The following INO80C variants were observed in gnomAD, a reference collection of about 807,000 sequenced individuals.
INO80C encodes the protein IES6 homolog.
A neutral mutation model predicts 17.7 loss-of-function variants in INO80C; 17 were observed. The observed-to-expected ratio is 0.96, with a 90% CI of 0.66 to 1.44. The LOEUF is 1.44. Ranked by LOEUF, INO80C falls within the 40% of genes most tolerant of loss-of-function variation. The pLI, the probability that INO80C is intolerant of heterozygous loss-of-function variation, is 0.00. For missense variants in INO80C, 244 were observed against 245.0 expected (o/e 1.00, Z 0.03); for synonymous variants, 96 against 95.8 (o/e 1.00, Z -0.01).
intron 4 of INO80C, among the ~76,000 whole-genome samples, chr18:35,473,402 A>T (rs978710912): frequency 6.6e-6 from 1 of 152,178 alleles, no homozygotes; most frequent in Non-Finnish European, 1.5e-5. Context: ...TTTCCTGACC[A>T]TGGGGCAGAG....
At chr18:35,481,721 T>A (rs2045810702) in intron 1 of INO80C, among the ~76,000 whole-genome samples, 1 of 152,026 alleles carries the variant, frequency 6.6e-6, no homozygotes, top group Non-Finnish European at 1.5e-5. Flanking sequence ...CCACCTCTAC[T>A]AAAAATACAA....
chr18:35,481,312 T>C (rs1012327793), intron 1 of INO80C, among the ~76,000 whole-genome samples: 6 of 152,246 alleles, frequency 3.9e-5, no homozygotes, highest in African/African-American at 1.4e-4. Context: ...ACTTCTGATC[T>C]GTAATACAAT....
intron 4 of INO80C, among the ~76,000 whole-genome samples, chr18:35,472,289 G>A (rs982199795): frequency 6.6e-5 from 10 of 152,070 alleles, no homozygotes; most frequent in Admixed American, 6.5e-4. Context: ...TTGAATGATC[G>A]CCATTCTAAC....
At chr18:35,471,461 A>G (rs1411408727) in intron 4 of INO80C, among the ~76,000 whole-genome samples, 1 of 152,236 alleles carries the variant, frequency 6.6e-6, no homozygotes, top group East Asian at 1.9e-4. Context: ...CTGGAAATTT[A>G]GCCATGTTGT....
At chr18:35,473,535 G>T (rs1468061673) in intron 4 of INO80C, among the ~76,000 whole-genome samples, 3 of 152,190 alleles carry the variant, frequency 2.0e-5, no homozygotes, top group Admixed American at 6.5e-5. Flanking sequence ...TTCCACGTGA[G>T]TCCATAACCA....
Position 35,480,450 on chromosome 18 carries a change from T to C in INO80C, c.267+3A>G. 1 of 1,598,902 alleles carries C rather than the reference T, an allele frequency of 6.3e-7. No individual in the cohort carries two copies. The highest frequency in any genetic ancestry group is 8.6e-7 in the Non-Finnish European group (1 of 1,166,140). ...TTATTCAGCTAATACCTTCGATGCT[T>C]ACCACAAAGTTGGGATCCTTAAATG... On this transcript the variant is annotated splice_donor_region_variant and intron_variant, in intron 2 of 4. Coordinates refer to ENST00000334598, the MANE Select transcript of INO80C (RefSeq NM_194281.4).
intron 4 of INO80C, among the ~76,000 whole-genome samples, chr18:35,476,168 A>C (rs2045733394): frequency 6.6e-6 from 1 of 152,392 alleles, no homozygotes; most frequent in East Asian, 1.9e-4. Context: ...ATGTTCAATT[A>C]ACCCCAGTTT....
chr18:35,494,134 C>T (rs1272281059), intron 1 of INO80C, among the ~76,000 whole-genome samples: 3 of 152,200 alleles, frequency 2.0e-5, no homozygotes, highest in Non-Finnish European at 4.4e-5. Flanking sequence ...TCCTGTGTCT[C>T]ACCACAATAG....
intron 4 of INO80C, among the ~76,000 whole-genome samples, chr18:35,477,373 T>C (rs1360547531): frequency 6.6e-6 from 1 of 152,200 alleles, no homozygotes; most frequent in Non-Finnish European, 1.5e-5. Flanking sequence ...AACAGGGATA[T>C]TACATAATAA....
intron 4 of INO80C, among the ~76,000 whole-genome samples, chr18:35,470,963 A>G (rs1201951564): frequency 1.3e-5 from 2 of 152,202 alleles, no homozygotes; most frequent in Admixed American, 6.5e-5. Flanking sequence ...CTGTAGGGTG[A>G]CAGGCAGTAT....
chr18:35,474,244 T>TATATATATATATAC (rs1163516427), intron 4 of INO80C, among the ~76,000 whole-genome samples: 1 of 134,710 alleles, frequency 7.4e-6, no homozygotes, highest in Non-Finnish European at 1.6e-5. Flanking sequence ...TATATATATA[T>TATATATATATATAC]ACTTAATAAC....
At chr18:35,471,904 C>T (rs2045675217) in intron 4 of INO80C, among the ~76,000 whole-genome samples, 1 of 152,258 alleles carries the variant, frequency 6.6e-6, no homozygotes. Flanking sequence ...TTTCCAGTTT[C>T]ATCCATGTCC....
intron 1 of INO80C, among the ~76,000 whole-genome samples, chr18:35,490,057 A>G (rs1488082326): frequency 6.6e-6 from 1 of 152,086 alleles, no homozygotes; most frequent in Non-Finnish European, 1.5e-5. Context: ...GCTGCGAATG[A>G]GCCAGAGGTC....
chr18:35,493,636 T>C (rs2045952569), intron 1 of INO80C, among the ~76,000 whole-genome samples: 1 of 152,256 alleles, frequency 6.6e-6, no homozygotes, highest in African/African-American at 2.4e-5. Context: ...TCAGGACTTC[T>C]AAGCATCTAA....
rs2046002383 is a variant in INO80C, at chr18:35,497,888, TTCCCCTGG to T, written c.-22_-15del. The T allele has an allele frequency of 6.5e-7, 1 of 1,543,786 alleles. No individual in the cohort carries two copies. Among genetic ancestry groups the T allele is most frequent in the African/African-American group, 1.4e-5 (1 of 71,106 alleles). ...TTGCGCCGCCATCGCACTCCGAGTC[TTCCCCTGG>T]TCCCCCCACCTTTTTCCCAGCGCGG... On this transcript the variant is annotated 5_prime_UTR_variant, in exon 1 of 5. Coordinates refer to ENST00000334598, the MANE Select transcript of INO80C (RefSeq NM_194281.4).
At chr18:35,469,957 G>A (rs1049052476) in intron 4 of INO80C, among the ~76,000 whole-genome samples, 7 of 152,188 alleles carry the variant, frequency 4.6e-5, no homozygotes, top group Non-Finnish European at 8.8e-5. Context: ...TGTGCCAAGC[G>A]GAGAAAATAA....
rs78326557 is a variant in INO80C at position 35,494,853 on chromosome 18, T to C, written c.156+2866A>G. 4.1e-3 allele frequency among the ~76,000 whole-genome samples: 629 copies of C among 152,302 alleles called. 2 individuals are homozygous for C. Among genetic ancestry groups the C allele is most frequent in the African/African-American group, 0.014 (566 of 41,554 alleles). ...GACAGCAGTAGAAAACTAAACACAA[T>C]GTATATACGTCATTCTCTCCTGGGA... On this transcript the variant is annotated intron_variant, in intron 1 of 4. Coordinates refer to ENST00000334598, the MANE Select transcript of INO80C (RefSeq NM_194281.4).
intron 1 of INO80C, among the ~76,000 whole-genome samples, chr18:35,480,801 CCCTAAGTG>C (rs1440997222): frequency 6.6e-6 from 1 of 152,204 alleles, no homozygotes; most frequent in African/African-American, 2.4e-5. Flanking sequence ...TTCCCGGGTA[CCCTAAGTG>C]CCAAGCACAG....
In INO80C at chr18:35,480,326, G is replaced by T. The variant is rs2045791722; in HGVS notation, c.267+127C>A. Reference sequence around the variant, plus strand: ...CTCTTGTCCCCATCTTGCCCATAGGGGAGAAGGAGGTAACTGAGACTGAGG... The same window carrying T: ...CTCTTGTCCCCATCTTGCCCATAGGTGAGAAGGAGGTAACTGAGACTGAGG... On this transcript the variant is annotated intron_variant, in intron 2 of 4. Coordinates refer to ENST00000334598, the MANE Select transcript of INO80C (RefSeq NM_194281.4). 5 of 699,864 alleles carry T rather than the reference G, an allele frequency of 7.1e-6. No individual in the cohort carries two copies. The South Asian group carries it at 8.2e-5, about 12-fold the overall frequency. The allele number at this position is 699,864 out of a possible 1,614,324, so 43.4% of individuals were successfully genotyped here. A position where few individuals can be genotyped will look rare whatever the true frequency, so the allele number is the denominator to read the frequency against.
Sources: allele counts gnomAD v4.1 joint callset (sites outside exome capture counted in the v4.1 genomes callset), GRCh38; gene constraint gnomAD v4.1.1; transcripts MANE v1.5; gene names NCBI Gene and HGNC (gene_info 2026-07-23, HGNC 2026-07-21).